The following ROBO1 variants were observed in gnomAD, a reference collection of about 807,000 sequenced individuals.
ROBO1 encodes the protein roundabout homolog 1.
A neutral mutation model predicts 195.9 loss-of-function variants in ROBO1; 149 were observed. The ratio of observed to expected loss-of-function variants is 0.76; its 90% CI spans 0.67 to 0.87. The LOEUF (loss-of-function observed/expected upper bound fraction) is 0.87. ROBO1 is among the 40% of genes least tolerant of loss of function. ROBO1 has a pLI of 0.00. For missense variants in ROBO1, 1,933 were observed against 2,068.3 expected (o/e 0.93, Z 1.27); for synonymous variants, 816 against 733.2 (o/e 1.11, Z -1.82).
intron 2 of ROBO1, among the ~76,000 whole-genome samples, chr3:79,357,369 C>T (rs9842630): frequency 0.33 from 50,663 of 151,932 alleles, 12,064 homozygotes; most frequent in African/African-American, 0.68. Flanking sequence ...CCATGAGCAA[C>T]TGCAGTATGC....
At chr3:78,662,247 A>C in intron 14 of ROBO1, 133 bp from the exon 15 acceptor site, 2 of 566,642 alleles carry the variant, frequency 3.5e-6, no homozygotes, top group Non-Finnish European at 2.8e-6. Flanking sequence ...TGATTCGGAA[A>C]AAAAAAAAAA....
intron 3 of ROBO1, among the ~76,000 whole-genome samples, chr3:79,032,959 C>T (rs1286832794): frequency 6.6e-6 from 1 of 151,800 alleles, no homozygotes; most frequent in Non-Finnish European, 1.5e-5. Flanking sequence ...CTAGATGGGA[C>T]CTTAGAAAAT....
chr3:79,707,126 T>C (rs1423470086), intron 1 of ROBO1, among the ~76,000 whole-genome samples: 1 of 152,132 alleles, frequency 6.6e-6, no homozygotes, highest in Non-Finnish European at 1.5e-5. Flanking sequence ...CATCTAGGCA[T>C]GGTGCTTTCA....
At chr3:78,852,492 A>T (rs538668963) in intron 4 of ROBO1, among the ~76,000 whole-genome samples, 5 of 152,314 alleles carry the variant, frequency 3.3e-5, no homozygotes, top group South Asian at 2.1e-4. Flanking sequence ...AAAATTATTT[A>T]AAAAACTGTG....
intron 2 of ROBO1, among the ~76,000 whole-genome samples, chr3:79,227,201 C>T (rs1406707882): frequency 6.6e-6 from 1 of 152,144 alleles, no homozygotes; most frequent in Non-Finnish European, 1.5e-5. Flanking sequence ...ACTTCACCTT[C>T]ACTGGCTCCC....
chr3:79,079,529 C>T (rs968909771), intron 3 of ROBO1, among the ~76,000 whole-genome samples: 1 of 151,744 alleles, frequency 6.6e-6, no homozygotes, highest in African/African-American at 2.4e-5. Context: ...ACTGGTTCTG[C>T]TTTGTCTACA....
At chr3:79,655,884 AATGATAAT>A in intron 1 of ROBO1, among the ~76,000 whole-genome samples, 1 of 152,226 alleles carries the variant, frequency 6.6e-6, no homozygotes, top group Admixed American at 6.6e-5. Context: ...GTACTAATAA[AATGATAAT>A]ACATATAAAG....
intron 9 of ROBO1, 69 bp from the exon 10 acceptor site, chr3:78,685,986 C>T: frequency 7.6e-7 from 1 of 1,311,478 alleles, no homozygotes; most frequent in Non-Finnish European, 1.0e-6. Context: ...TATTTTGGCA[C>T]TTATGCATTT....
Position 78,633,515 on chromosome 3 carries a change from T to C in ROBO1, c.3481+420A>G. Among the ~76,000 whole-genome samples, 2 of 152,190 alleles carry C rather than the reference T, an allele frequency of 1.3e-5. 1 individual carries two copies. Among genetic ancestry groups the C allele is most frequent in the Admixed American group, 1.3e-4 (2 of 15,272 alleles). ...TGTACCTGAATCTCATGTTATTGTC[T>C]CTCCGGCTTTTGATTCTGCTCAAGT... On this transcript the variant is annotated intron_variant, in intron 24 of 30. Coordinates refer to ENST00000464233, the MANE Select transcript of ROBO1 (RefSeq NM_002941.4).
intron 4 of ROBO1, among the ~76,000 whole-genome samples, chr3:78,783,185 C>T (rs2083731179): frequency 6.6e-6 from 1 of 152,056 alleles, no homozygotes; most frequent in Admixed American, 6.6e-5. Flanking sequence ...GTAATCCTCC[C>T]CCATTAACAT....
intron 3 of ROBO1, among the ~76,000 whole-genome samples, chr3:78,980,376 C>A (rs1208059338): frequency 2.0e-5 from 3 of 152,092 alleles, no homozygotes; most frequent in Non-Finnish European, 2.9e-5. Context: ...TGTCACCATG[C>A]CACAGCATTA....
chr3:79,392,014 T>C (rs1309250497), intron 2 of ROBO1, among the ~76,000 whole-genome samples: 1 of 152,172 alleles, frequency 6.6e-6, no homozygotes, highest in Non-Finnish European at 1.5e-5. Context: ...GAAATCATTA[T>C]AAAGAAGTCA....
At chr3:79,229,583 G>A (rs2082286144) in intron 2 of ROBO1, among the ~76,000 whole-genome samples, 1 of 152,016 alleles carries the variant, frequency 6.6e-6, no homozygotes, top group African/African-American at 2.4e-5. Context: ...ACAGACTTGA[G>A]CCACAGTGCC....
rs1247403919 is a variant in ROBO1, at chr3:78,673,567, TATATATATATATATA to T, written c.1343-3281_1343-3267del. Reference sequence around the variant, plus strand: ...ACAGCTAGGTTACATATATTTTATATATATATATATATATATATATATATATATATATATATATAC... The same window carrying T: ...ACAGCTAGGTTACATATATTTTATATTATATATATATATATATATATATAC... On this transcript the variant is annotated intron_variant, in intron 10 of 30. Coordinates refer to ENST00000464233, the MANE Select transcript of ROBO1 (RefSeq NM_002941.4). 3.3e-4 allele frequency among the ~76,000 whole-genome samples: 9 copies of T among 27,070 alleles called. No individual in the cohort carries two copies. The East Asian group carries it at 0.013, about 39-fold the overall frequency. The allele number at this position is 27,070 out of a possible 152,430, so 17.8% of individuals were successfully genotyped here. A position where few individuals can be genotyped will look rare whatever the true frequency, so the allele number is the denominator to read the frequency against.
intron 3 of ROBO1, among the ~76,000 whole-genome samples, chr3:79,020,689 G>A (rs756443347): frequency 1.3e-5 from 2 of 152,026 alleles, no homozygotes; most frequent in Non-Finnish European, 2.9e-5. Flanking sequence ...GCGAGACTCC[G>A]TCTTAAATAA....
rs943597155 is a variant in ROBO1 at position 79,469,839 on chromosome 3, T to C, written c.88+119985A>G. On this transcript the variant is annotated intron_variant, in intron 2 of 30. Transcript: ENST00000464233. The stretch of plus-strand genomic sequence containing the variant: ...CTAAGGACAACTTTTTCTTCTTTTA[T>C]ACAGGTTAAAAAAAAAGTGTCAGTA... Among the ~76,000 whole-genome samples the C allele has an allele frequency of 5.3e-5, 8 of 152,092 alleles. No homozygotes were observed. The East Asian group carries it at 9.7e-4, about 18-fold the overall frequency.
chr3:79,372,067 G>C (rs2036215019), intron 2 of ROBO1, among the ~76,000 whole-genome samples: 1 of 152,124 alleles, frequency 6.6e-6, no homozygotes, highest in Non-Finnish European at 1.5e-5. Context: ...TGATCTGACA[G>C]GAGGCAGAGC....
chr3:79,174,756 T>C (rs1425287697), intron 2 of ROBO1, among the ~76,000 whole-genome samples: 6 of 149,882 alleles, frequency 4.0e-5, no homozygotes, highest in African/African-American at 1.2e-4. Context: ...CTCAAGAGGC[T>C]GAGGTAGGAG....
chr3:79,443,137 A>G (rs894710316), intron 2 of ROBO1, among the ~76,000 whole-genome samples: 2 of 152,206 alleles, frequency 1.3e-5, no homozygotes, highest in Non-Finnish European at 2.9e-5. Context: ...TAAAAAATCC[A>G]GCCAGGTGAT....
Sources: gnomAD v4.1 joint callset for allele counts (sites outside exome capture counted in the v4.1 genomes callset) on GRCh38, gnomAD v4.1.1 for gene constraint, MANE v1.5 for transcripts, NCBI Gene and HGNC (gene_info 2026-07-23, HGNC 2026-07-21) for gene names.